Variants in SH2D4B observed in about 807,000 individuals in gnomAD.
SH2D4B encodes the protein SH2 domain-containing protein 4B.
Under a neutral mutation model 61.5 loss-of-function variants are expected in SH2D4B, and 45 were observed. That is an observed-to-expected ratio of 0.73 (90% CI 0.58 to 0.94). The LOEUF (loss-of-function observed/expected upper bound fraction) is 0.94, where lower values mean the gene tolerates loss of function less well. Ranked by LOEUF, SH2D4B falls within the 40% of genes least tolerant of loss-of-function variation. The probability of loss-of-function intolerance (pLI) is 0.00; values close to 1 mark genes in which losing one functional copy is unlikely to be tolerated. For missense variants in SH2D4B, 572 were observed against 574.2 expected (o/e 1.00, Z 0.04); for synonymous variants, 224 against 220.4 (o/e 1.02, Z -0.14).
intron 6 of SH2D4B, among the ~76,000 whole-genome samples, chr10:80,613,595 G>A (rs1184944214): frequency 6.6e-6 from 1 of 152,218 alleles, no homozygotes; most frequent in Non-Finnish European, 1.5e-5. Flanking sequence ...TGGATCTCAA[G>A]CGTGGCCTCA....
rs1022187569 is a variant in SH2D4B, at chr10:80,633,280, C to G, written c.989-1005C>G. 3.9e-5 allele frequency among the ~76,000 whole-genome samples: 6 copies of G among 152,170 alleles called. No individual in the cohort carries two copies. The South Asian group carries it at 6.2e-4, about 16-fold the overall frequency. On this transcript the variant is annotated intron_variant, in intron 6 of 7. Transcript: ENST00000646907. ...GGGTGAGCAAAGGGACAATGTGTTG[C>G]AATTCACCTCTCCTCCAGAATAACA...
intron 6 of SH2D4B, among the ~76,000 whole-genome samples, chr10:80,613,960 A>G (rs755155150): frequency 4.6e-5 from 7 of 152,190 alleles, no homozygotes; most frequent in Non-Finnish European, 8.8e-5. Context: ...AGGGAAGGGA[A>G]GGAAATATAA....
intron 6 of SH2D4B, among the ~76,000 whole-genome samples, chr10:80,616,340 T>G (rs1232887507): frequency 6.6e-6 from 1 of 152,192 alleles, no homozygotes; most frequent in African/African-American, 2.4e-5. Flanking sequence ...GAAAAAGAAG[T>G]AGGTCAGTTG....
Position 80,578,612 on chromosome 10 carries a change from C to T in SH2D4B, c.495+7034C>T, listed in dbSNP as rs567967314. ...TTCATGATGGATGGAGCCAGACATA[C>T]GCCTGGAAAGGAGGTAGGGTGTGAA... On this transcript the variant is annotated intron_variant, in intron 3 of 7. Transcript: ENST00000646907. Among the ~76,000 whole-genome samples the T allele has an allele frequency of 8.5e-5, 13 of 152,254 alleles. No homozygotes were observed. The South Asian group carries it at 2.3e-3, about 27-fold the overall frequency.
intron 7 of SH2D4B, among the ~76,000 whole-genome samples, chr10:80,637,201 A>G (rs1054890181): frequency 2.6e-5 from 4 of 152,028 alleles, no homozygotes; most frequent in Admixed American, 6.6e-5. Flanking sequence ...GCCTTGTTGT[A>G]TAGTTTGAAG....
chr10:80,632,417 A>G (rs1414850553), intron 6 of SH2D4B, among the ~76,000 whole-genome samples: 1 of 152,238 alleles, frequency 6.6e-6, no homozygotes. Context: ...TGAAAAAGTA[A>G]TAAACGTTAC....
chr10:80,560,597 C>A (rs1841891335), intron 1 of SH2D4B, among the ~76,000 whole-genome samples: 1 of 151,484 alleles, frequency 6.6e-6, no homozygotes, highest in Non-Finnish European at 1.5e-5. Flanking sequence ...GCTTTGTGAC[C>A]CAGGCTGGTC....
At chr10:80,543,875 C>T (rs1285464479) in intron 1 of SH2D4B, among the ~76,000 whole-genome samples, 14 of 151,974 alleles carry the variant, frequency 9.2e-5, no homozygotes, top group Admixed American at 6.5e-4. Flanking sequence ...TGTGTAGACA[C>T]TCTGTATCTA....
intron 4 of SH2D4B, among the ~76,000 whole-genome samples, chr10:80,600,633 G>A (rs1403387047): frequency 2.6e-5 from 4 of 152,116 alleles, no homozygotes; most frequent in African/African-American, 9.7e-5. Flanking sequence ...GCAGGCCAAG[G>A]TGTTTGTATT....
At position 80,603,628 on chromosome 10, in the gene SH2D4B, C is replaced by T. The variant is rs373096397; in HGVS notation, c.693C>T (p.Arg231=). 160 of 1,590,656 alleles carry T rather than the reference C, an allele frequency of 1.0e-4. No individual in the cohort carries two copies. The highest frequency in any genetic ancestry group is 1.3e-4 in the Non-Finnish European group (148 of 1,169,360). Residue 231 remains arginine (R), a synonymous_variant, in exon 5 of 8, where the codon CGC becomes CGT. Transcript: ENST00000646907. Reference sequence around the variant, plus strand: ...AGGAGAGGAGCCGCCGAGCCCAGCGCGCCCGGGACGAGTACCGACACCACT... The same window carrying T: ...AGGAGAGGAGCCGCCGAGCCCAGCGTGCCCGGGACGAGTACCGACACCACT... ...ADEERSRRAQ[R]ARDEYRHHSL... is the part of the protein sequence containing the mutation.
At chr10:80,612,274 C>G (rs1310930423) in intron 6 of SH2D4B, among the ~76,000 whole-genome samples, 1 of 144,740 alleles carries the variant, frequency 6.9e-6, no homozygotes, top group Non-Finnish European at 1.5e-5. Flanking sequence ...TATAGGAATT[C>G]CCTGGTGGAG....
intron 3 of SH2D4B, among the ~76,000 whole-genome samples, chr10:80,582,415 C>T (rs1042674708): frequency 5.9e-5 from 9 of 152,168 alleles, no homozygotes; most frequent in Admixed American, 1.3e-4. Flanking sequence ...ATTCTGGTGA[C>T]CCAATCTCAT....
chr10:80,565,388 T>C (rs1235635271), intron 1 of SH2D4B, among the ~76,000 whole-genome samples: 1 of 143,090 alleles, frequency 7.0e-6, no homozygotes, highest in Non-Finnish European at 1.5e-5. Flanking sequence ...TTATTTCTTT[T>C]CCTTTTTTTT....
intron 3 of SH2D4B, among the ~76,000 whole-genome samples, chr10:80,584,022 A>G (rs1478711379): frequency 6.6e-6 from 1 of 152,240 alleles, no homozygotes; most frequent in African/African-American, 2.4e-5. Context: ...GTAGTTCTGG[A>G]TGATAGAAGA....
At chr10:80,585,346 G>A (rs987455366) in intron 3 of SH2D4B, among the ~76,000 whole-genome samples, 5 of 144,028 alleles carry the variant, frequency 3.5e-5, no homozygotes, top group African/African-American at 5.3e-5. Context: ...TTTTTGAGAT[G>A]GAGAGTCGCC....
chr10:80,574,264 G>C (rs1160573864), intron 3 of SH2D4B, among the ~76,000 whole-genome samples: 1 of 152,088 alleles, frequency 6.6e-6, no homozygotes, highest in Non-Finnish European at 1.5e-5. Flanking sequence ...AGCCTCCCAA[G>C]TAGCTGGAAC....
intron 3 of SH2D4B, among the ~76,000 whole-genome samples, chr10:80,572,982 A>ATTTTTTTTTTTT (rs1247462135): frequency 1.1e-4 from 1 of 9,258 alleles, no homozygotes; most frequent in Non-Finnish European, 1.8e-4. Flanking sequence ...ATATATATAT[A>ATTTTTTTTTTTT]TATATTTTTT....
intron 7 of SH2D4B, among the ~76,000 whole-genome samples, chr10:80,641,450 C>T (rs1840308473): frequency 6.6e-6 from 1 of 151,990 alleles, no homozygotes; most frequent in African/African-American, 2.4e-5. Context: ...GGGCTCCACC[C>T]AGTTCGAGCT....
intron 1 of SH2D4B, among the ~76,000 whole-genome samples, chr10:80,550,460 G>A (rs1336816833): frequency 6.6e-6 from 1 of 152,130 alleles, no homozygotes; most frequent in Non-Finnish European, 1.5e-5. Flanking sequence ...CGGGCATGGT[G>A]GCAGGCGCCT....
Sources: gnomAD v4.1 joint callset for allele counts (sites outside exome capture counted in the v4.1 genomes callset) on GRCh38, gnomAD v4.1.1 for gene constraint, MANE v1.5 for transcripts, NCBI Gene and HGNC (gene_info 2026-07-23, HGNC 2026-07-21) for gene names.